LRRIQ3: variants seen among roughly 807,000 people sequenced by gnomAD.
The protein encoded by LRRIQ3 is leucine-rich repeat and IQ domain-containing protein 3.
A neutral mutation model predicts 59.3 loss-of-function variants in LRRIQ3; 75 were observed. The ratio of observed to expected loss-of-function variants is 1.26; its 90% CI spans 1.05 to 1.53. The LOEUF (loss-of-function observed/expected upper bound fraction) is 1.53, where lower values mean the gene tolerates loss of function less well. Among genes scored for constraint, LRRIQ3 ranks in the 40% most tolerant of loss-of-function variants. LRRIQ3 has a pLI of 0.00. For missense variants in LRRIQ3, 831 were observed against 710.0 expected (o/e 1.17, Z -1.94); for synonymous variants, 250 against 231.3 (o/e 1.08, Z -0.73).
chr1:74,097,406 GAA>G (rs1646464170), intron 5 of LRRIQ3, among the ~76,000 whole-genome samples: 1 of 152,128 alleles, frequency 6.6e-6, no homozygotes, highest in Non-Finnish European at 1.5e-5. Flanking sequence ...GGGACTATGT[GAA>G]AAGACCAAAT....
chr1:74,183,617 A>G lies in LRRIQ3; in HGVS notation c.68T>C (p.Ile23Thr), dbSNP rs1650157268. The change falls in exon 2 of 8, where the codon ATA becomes ACA. Residue 23 changes from isoleucine to threonine, a missense_variant. Coordinates refer to ENST00000354431, the MANE Select transcript of LRRIQ3 (RefSeq NM_001105659.2). ...HEEWSHYNEN[I>T]REGQKDFVFV... ...AACAAAATCTTTTTGACCTTCTCTT[A>G]TGTTTTCATTATAGTGACTCCATTC... 6.2e-7 allele frequency: 1 copy of G among 1,611,838 alleles called. No individual in the cohort carries two copies. The highest frequency in any genetic ancestry group is 8.5e-7 in the Non-Finnish European group (1 of 1,178,724).
In LRRIQ3 at chr1:74,182,590, A is replaced by G; in HGVS notation, c.521T>C (p.Phe174Ser). The G allele has an allele frequency of 1.2e-5, 19 of 1,604,692 alleles. No homozygotes were observed. The highest frequency in any genetic ancestry group is 1.5e-5 in the Non-Finnish European group (18 of 1,175,432). ...GAAAAGTCGATGGTTACATGCTTTGAATCTTTCAGGAAGATGCCAGTTCTG... is the reference window on the plus strand; with the variant it reads ...GAAAAGTCGATGGTTACATGCTTTGGATCTTTCAGGAAGATGCCAGTTCTG... ...IIQNWHLPER[F>S]KACNHRLFFN... The change falls in exon 3 of 8, where the codon TTC becomes TCC. Residue 174 changes from phenylalanine (F) to serine (S), a missense_variant. Coordinates refer to ENST00000354431, the MANE Select transcript of LRRIQ3 (RefSeq NM_001105659.2).
chr1:74,132,544 C>T (rs973743105), intron 4 of LRRIQ3, among the ~76,000 whole-genome samples: 1 of 151,910 alleles, frequency 6.6e-6, no homozygotes. Context: ...AGAACAGAGC[C>T]CTCAGAAATA....
Position 74,094,516 on chromosome 1 carries a change from G to T in LRRIQ3, c.867+14878C>A, listed in dbSNP as rs1646428784. 2.0e-5 allele frequency among the ~76,000 whole-genome samples: 3 copies of T among 152,020 alleles called. 1 individual carries two copies. In the South Asian group the frequency reaches 6.2e-4, roughly 32 times the overall value. On this transcript the variant is annotated intron_variant, in intron 5 of 7. Coordinates refer to ENST00000354431, the MANE Select transcript of LRRIQ3 (RefSeq NM_001105659.2). ...TAGACTAGGCAAGAAAACAGATTCT[G>T]CCCTTTGAAAAACATCAGCCATGTA...
At chr1:74,138,071 TCC>T (rs1647155805) in intron 4 of LRRIQ3, among the ~76,000 whole-genome samples, 1 of 150,276 alleles carries the variant, frequency 6.7e-6, no homozygotes, top group African/African-American at 2.5e-5. Flanking sequence ...TGCACATGTA[TCC>T]CAGAACTTAA....
rs199855477 is a variant in LRRIQ3, at chr1:74,182,566, A to C, written c.545T>G (p.Phe182Cys). 9 of 1,566,448 alleles carry C rather than the reference A, an allele frequency of 5.7e-6. No homozygotes were observed. In the Admixed American group the frequency reaches 1.5e-4, roughly 26 times the overall value. ...ERFKACNHRL[F>C]FNFCPALRKG... ...TCTCAAAGCTGGGCAGAAATTAAAG[A>C]AAAGTCGATGGTTACATGCTTTGAA... The change falls in exon 3 of 8, where the codon TTC becomes TGC. Residue 182 changes from phenylalanine (F) to cysteine (C), a missense_variant. Phe to Cys is a radical substitution (Grantham distance 205). Transcript: ENST00000354431.
chr1:74,183,530 A>T lies in LRRIQ3; in HGVS notation c.155T>A (p.Leu52His), dbSNP rs1477169956. 6.2e-7 allele frequency: 1 copy of T among 1,611,944 alleles called. No homozygotes were observed. The highest frequency in any genetic ancestry group is 1.7e-5 in the Admixed American group (1 of 59,892). Reference sequence around the variant, plus strand: ...ATTGTTTGAGAAGATGCATACTCTAAGAGAGATGCAAGACTGCAAATTTTC... The same window carrying T: ...ATTGTTTGAGAAGATGCATACTCTATGAGAGATGCAAGACTGCAAATTTTC... ...SMENLQSCIS[L>H]RVCIFSNNFI... Residue 52 changes from leucine (L) to histidine (H), a missense_variant, in exon 2 of 8, where the codon CTT (leucine) becomes CAT (histidine). By Grantham distance (99) the Leu-to-His change is moderately conservative. Transcript: ENST00000354431.
intron 6 of LRRIQ3, among the ~76,000 whole-genome samples, chr1:74,044,440 T>C (rs1032541851): frequency 2.0e-5 from 3 of 152,054 alleles, no homozygotes; most frequent in African/African-American, 7.2e-5. Context: ...TCATGTGATA[T>C]GCCAGCTCCC....
At chr1:74,039,480 C>T (rs930283783) in intron 7 of LRRIQ3, among the ~76,000 whole-genome samples, 11 of 151,976 alleles carry the variant, frequency 7.2e-5, no homozygotes, top group African/African-American at 2.7e-4. Flanking sequence ...ACAGAGAACA[C>T]CACTAAGATA....
Position 74,109,408 on chromosome 1 carries a change from C to A in LRRIQ3, c.853G>T (p.Ala285Ser). 1.3e-6 allele frequency: 2 copies of A among 1,530,890 alleles called. No homozygotes were observed. The highest frequency in any genetic ancestry group is 1.8e-6 in the Non-Finnish European group (2 of 1,130,666). The allele number at this position is 1,530,890 out of a possible 1,614,324, so 94.8% of individuals were successfully genotyped here. ...ATTATACTTACATGTTTCCAATATG[C>A]AAGCTTTCCTTTTATATTAGTTTCA... ...KPETNIKGKL[A>S]YWKHNIYYPV... Residue 285 changes from alanine to serine, a missense_variant, in exon 5 of 8, where the codon GCA becomes TCA. Ala to Ser is a moderately conservative substitution (Grantham distance 99). Transcript: ENST00000354431.
intron 6 of LRRIQ3, among the ~76,000 whole-genome samples, chr1:74,062,767 T>C (rs6669321): frequency 6.6e-6 from 1 of 151,930 alleles, no homozygotes; most frequent in African/African-American, 2.4e-5. Flanking sequence ...ATATCACTTA[T>C]GGGAGCTAAA....
chr1:74,101,728 C>A (rs1214382483), intron 5 of LRRIQ3, among the ~76,000 whole-genome samples: 2 of 152,002 alleles, frequency 1.3e-5, no homozygotes, highest in Non-Finnish European at 2.9e-5. Flanking sequence ...ACTATGCAGC[C>A]ATAAAAAAGG....
At chr1:74,189,794 C>T (rs1230458823) in intron 1 of LRRIQ3, among the ~76,000 whole-genome samples, 2 of 152,112 alleles carry the variant, frequency 1.3e-5, no homozygotes, top group Non-Finnish European at 2.9e-5. Flanking sequence ...CCTTCTACCA[C>T]GATTCTGAGG....
At chr1:74,037,834 T>G (rs1653918760) in intron 7 of LRRIQ3, among the ~76,000 whole-genome samples, 1 of 152,110 alleles carries the variant, frequency 6.6e-6, no homozygotes, top group Non-Finnish European at 1.5e-5. Context: ...ACCGTGCTTT[T>G]TCCATGGAAC....
chr1:74,192,847 A>G (rs902833353), intron 1 of LRRIQ3, among the ~76,000 whole-genome samples: 2 of 152,184 alleles, frequency 1.3e-5, no homozygotes, highest in Non-Finnish European at 2.9e-5. Context: ...GAACTTTCCA[A>G]TCATTATGGA....
chr1:74,038,433 G>A (rs1005012667), intron 7 of LRRIQ3, among the ~76,000 whole-genome samples: 3 of 152,136 alleles, frequency 2.0e-5, no homozygotes, highest in African/African-American at 4.8e-5. Context: ...TTCCCCCCCA[G>A]CAAAACACAC....
intron 6 of LRRIQ3, among the ~76,000 whole-genome samples, chr1:74,067,634 G>A (rs1654903350): frequency 6.6e-6 from 1 of 151,834 alleles, no homozygotes; most frequent in Admixed American, 6.6e-5. Flanking sequence ...AATTCTTTTG[G>A]AGTCATATGT....
At chr1:74,084,778 A>G (rs1043355357) in intron 5 of LRRIQ3, among the ~76,000 whole-genome samples, 1 of 151,794 alleles carries the variant, frequency 6.6e-6, no homozygotes, top group Non-Finnish European at 1.5e-5. Flanking sequence ...CCACCAAAAC[A>G]TTTTAATTTT....
intron 6 of LRRIQ3, among the ~76,000 whole-genome samples, chr1:74,056,201 A>T (rs1171348288): frequency 6.6e-6 from 1 of 151,944 alleles, no homozygotes; most frequent in Non-Finnish European, 1.5e-5. Flanking sequence ...TCAACAAATT[A>T]GATATAGCAG....
Sources: gnomAD v4.1 joint callset for allele counts (sites outside exome capture counted in the v4.1 genomes callset) on GRCh38, gnomAD v4.1.1 for gene constraint, MANE v1.5 for transcripts, NCBI Gene and HGNC (gene_info 2026-07-23, HGNC 2026-07-21) for gene names.